IQSEC1: variants seen among roughly 807,000 people sequenced by gnomAD.
The protein encoded by IQSEC1 is IQ motif and Sec7 domain ArfGEF 1.
In IQSEC1, 31 loss-of-function variants were observed where a neutral mutation model predicts 91.0. The observed-to-expected ratio is 0.34, with a 90% CI of 0.26 to 0.46. The LOEUF (loss-of-function observed/expected upper bound fraction) is 0.46, where lower values mean the gene tolerates loss of function less well. Among genes scored for constraint, IQSEC1 ranks in the 20% least tolerant of loss-of-function variants. The pLI, the probability that IQSEC1 is intolerant of heterozygous loss-of-function variation, is 1.00. For missense variants in IQSEC1, 1,388 were observed against 1,575.6 expected (o/e 0.88, Z 2.02); for synonymous variants, 699 against 662.6 (o/e 1.05, Z -0.84).
Position 13,117,569 on chromosome 3 carries a change from C to CAAAA in IQSEC1, c.302+46531_302+46534dup, listed in dbSNP as rs34002295. Among the ~76,000 whole-genome samples, 25 of 9,460 alleles carry CAAAA rather than the reference C, an allele frequency of 2.6e-3. 3 individuals are homozygous for CAAAA. The highest frequency in any genetic ancestry group is 6.4e-3 in the African/African-American group (15 of 2,350). The allele number at this position is 9,460 out of a possible 152,430, so 6.2% of individuals were successfully genotyped here. On this transcript the variant is annotated intron_variant, in intron 2 of 15. Transcript: ENST00000648114. ...CTGGTGACAGAGCAAGACTCCGTCT[C>CAAAA]AAAAAAAAAAAAAAAAAAAAAAAAA...
rs1387670272 is a variant in IQSEC1 at position 13,220,986 on chromosome 3, G to C, written c.273-56853C>G. Among the ~76,000 whole-genome samples the C allele has an allele frequency of 2.6e-5, 4 of 152,254 alleles. No homozygotes were observed. In the South Asian group the frequency reaches 8.3e-4, roughly 31 times the overall value. Reference sequence around the variant, plus strand: ...AGCTGCTGGCCTCATCCATGGTTGGGGAAACGACATAGGGGAACAACATTG... The same window carrying C: ...AGCTGCTGGCCTCATCCATGGTTGGCGAAACGACATAGGGGAACAACATTG... On this transcript the variant is annotated intron_variant, in intron 1 of 15. Coordinates refer to the IQSEC1 transcript ENST00000648114.
intron 3 of IQSEC1, among the ~76,000 whole-genome samples, chr3:12,927,484 C>T (rs1697259557): frequency 6.6e-6 from 1 of 152,206 alleles, no homozygotes; most frequent in Non-Finnish European, 1.5e-5. Flanking sequence ...TGTCTGGTCC[C>T]TCCAGGCCAC....
chr3:12,936,431 C>T lies in IQSEC1; in HGVS notation c.585G>A (p.Leu195=), dbSNP rs781656536. ...VTNDGSQLGA[L]VSPECGDLSE... The stretch of plus-strand genomic sequence containing the variant: ...TGAGGTCACCACACTCAGGGGACAC[C>T]AGGGCTCCCAGCTGGGAGCCGTCGT... Residue 195 remains leucine, a synonymous_variant, in exon 3 of 14, where the codon CTG becomes CTA. Coordinates refer to ENST00000613206, the MANE Select transcript of IQSEC1 (RefSeq NM_001134382.3). The T allele has an allele frequency of 1.9e-6, 3 of 1,601,610 alleles. No individual in the cohort carries two copies. Among genetic ancestry groups the T allele is most frequent in the Admixed American group, 1.7e-5 (1 of 59,224 alleles).
chr3:13,085,863 C>T (rs1705727303), intron 2 of IQSEC1, among the ~76,000 whole-genome samples: 1 of 152,240 alleles, frequency 6.6e-6, no homozygotes, highest in Admixed American at 6.5e-5. Flanking sequence ...GGAACACAGA[C>T]ATAGTGTCTT....
chr3:13,127,306 T>C (rs1473533548), intron 2 of IQSEC1, among the ~76,000 whole-genome samples: 1 of 151,982 alleles, frequency 6.6e-6, no homozygotes, highest in Non-Finnish European at 1.5e-5. Flanking sequence ...CCCAGCTACT[T>C]GGGAGGCTGA....
At chr3:13,121,758 G>T (rs533177254) in intron 2 of IQSEC1, among the ~76,000 whole-genome samples, 1 of 152,334 alleles carries the variant, frequency 6.6e-6, no homozygotes, top group East Asian at 1.9e-4. Flanking sequence ...GCAAGGAGGC[G>T]CTCCATGGTC....
In IQSEC1 at chr3:12,970,667, C is replaced by T. The variant is rs1700848814; in HGVS notation, c.24-28802G>A. Reference sequence around the variant, plus strand: ...TCTATGCCTGCCACACCTCCAGCAACACTAAGCTTCTTTCAGTTCCCCACA... The same window carrying T: ...TCTATGCCTGCCACACCTCCAGCAATACTAAGCTTCTTTCAGTTCCCCACA... On this transcript the variant is annotated intron_variant, in intron 1 of 13. Transcript: ENST00000613206. The surrounding 1 kb of genome is among the most constrained non-coding windows in gnomAD (Gnocchi z 4.4). Among the ~76,000 whole-genome samples, 1 of 152,200 alleles carries T rather than the reference C, an allele frequency of 6.6e-6. No individual in the cohort carries two copies. Among genetic ancestry groups the T allele is most frequent in the Non-Finnish European group, 1.5e-5 (1 of 68,034 alleles).
At chr3:13,165,591 T>TGTCTGTCC (rs1553570989) in intron 1 of IQSEC1, among the ~76,000 whole-genome samples, 1 of 145,804 alleles carries the variant, frequency 6.9e-6, no homozygotes, top group Non-Finnish European at 1.5e-5. Flanking sequence ...TCTGTCTGTC[T>TGTCTGTCC]TCACTTCATC....
chr3:13,247,489 G>A (rs1695127934), intron 1 of IQSEC1, among the ~76,000 whole-genome samples: 1 of 152,132 alleles, frequency 6.6e-6, no homozygotes, highest in Non-Finnish European at 1.5e-5. Flanking sequence ...CCCTGCCTCG[G>A]CTGATAAAGA....
At chr3:13,274,424 G>A (rs6766276) in intron 1 of IQSEC1, among the ~76,000 whole-genome samples, 5,009 of 152,268 alleles carry the variant, frequency 0.033, 248 homozygotes, top group African/African-American at 0.11. Flanking sequence ...TTGGCAAGCT[G>A]TGCTCCTGCG....
rs57912681 is a variant in IQSEC1, at chr3:13,191,477, A to ATTTTTTTT, written c.273-27352_273-27345dup. The stretch of plus-strand genomic sequence containing the variant: ...AGCTCCCAGTCCCCACACCCAGCTA[A>ATTTTTTTT]TTTTTTTTTTTTTTTTTTTTTTTTT... On this transcript the variant is annotated intron_variant, in intron 1 of 15. Coordinates refer to the IQSEC1 transcript ENST00000648114. Among the ~76,000 whole-genome samples the ATTTTTTTT allele has an allele frequency of 7.6e-4, 70 of 92,106 alleles. 1 individual carries two copies. Among genetic ancestry groups the ATTTTTTTT allele is most frequent in the East Asian group, 1.2e-3 (3 of 2,560 alleles). 60.4% of individuals were successfully genotyped at this position (92,106 alleles called of 152,430 possible). A position where few individuals can be genotyped will look rare whatever the true frequency, so the allele number is the denominator to read the frequency against.
intron 6 of IQSEC1, 122 bp downstream of exon 6, chr3:12,920,307 TG>T: frequency 1.0e-6 from 1 of 968,296 alleles, no homozygotes; most frequent in Non-Finnish European, 1.6e-6. Context: ...TGCCAGACCC[TG>T]GAGTGCCGGA....
chr3:13,105,521 G>A (rs969387258), intron 2 of IQSEC1, among the ~76,000 whole-genome samples: 1 of 152,176 alleles, frequency 6.6e-6, no homozygotes, highest in Non-Finnish European at 1.5e-5. Flanking sequence ...TGAAAAACAC[G>A]TGGAAGCTGG....
rs149201991 is a variant in IQSEC1, at chr3:12,991,148, G to A, written c.24-49283C>T. On this transcript the variant is annotated intron_variant, in intron 1 of 13. Coordinates refer to ENST00000613206, the MANE Select transcript of IQSEC1 (RefSeq NM_001134382.3). ...TAAAGTCAGTCCCTACCTGCGCCCT[G>A]CTTTGCATCGCCCTTCTGTTCAGTG... Among the ~76,000 whole-genome samples, 1,048 of 152,290 alleles carry A rather than the reference G, an allele frequency of 6.9e-3. 19 individuals carry two copies. Among genetic ancestry groups the A allele is most frequent in the African/African-American group, 0.023 (940 of 41,546 alleles).
Position 12,967,929 on chromosome 3 carries a change from G to A in IQSEC1, c.24-26064C>T, listed in dbSNP as rs1405567092. Among the ~76,000 whole-genome samples the A allele has an allele frequency of 6.9e-6, 1 of 145,602 alleles. No homozygotes were observed. Among genetic ancestry groups the A allele is most frequent in the Non-Finnish European group, 1.6e-5 (1 of 63,726 alleles). On this transcript the variant is annotated intron_variant, in intron 1 of 13. Transcript: ENST00000613206. This position sits in a 1 kb window ranked among gnomAD's most constrained non-coding sequence, Gnocchi z 5.9. ...GGCGGGGCGTCAGGGGCGGGGCTAC[G>A]CGCAGGGGCGGGGCCGAGCCGAGGC... is the stretch of plus-strand genomic sequence containing the variant.
At chr3:13,081,592 T>G (rs752006814) in intron 2 of IQSEC1, among the ~76,000 whole-genome samples, 1 of 152,238 alleles carries the variant, frequency 6.6e-6, no homozygotes, top group Non-Finnish European at 1.5e-5. Flanking sequence ...TTTTTCAAAG[T>G]TTCTACAACA....
chr3:13,090,577 G>A (rs939961242), intron 2 of IQSEC1, among the ~76,000 whole-genome samples: 1 of 152,232 alleles, frequency 6.6e-6, no homozygotes, highest in Admixed American at 6.5e-5. Context: ...TCTGTGGGGT[G>A]ATTGGTGACA....
intron 3 of IQSEC1, among the ~76,000 whole-genome samples, chr3:12,931,932 G>A (rs1575951377): frequency 1.3e-5 from 2 of 152,334 alleles, no homozygotes; most frequent in East Asian, 3.9e-4. Flanking sequence ...GGCCACCCAA[G>A]CCCTGCGTAC....
At chr3:13,085,912 G>A (rs561469653) in intron 2 of IQSEC1, among the ~76,000 whole-genome samples, 1 of 152,220 alleles carries the variant, frequency 6.6e-6, no homozygotes, top group African/African-American at 2.4e-5. Flanking sequence ...GCAGGTGGCT[G>A]TCACCCGCTA....
Sources: gnomAD v4.1 joint callset for allele counts (sites outside exome capture counted in the v4.1 genomes callset) on GRCh38, gnomAD v4.1.1 for gene constraint, Gnocchi (gnomAD v3.1) non-coding constraint, MANE v1.5 for transcripts, NCBI Gene and HGNC (gene_info 2026-07-23, HGNC 2026-07-21) for gene names.